HEPH: variants seen among roughly 807,000 people sequenced by gnomAD.
HEPH encodes hephaestin.
In HEPH, 69 loss-of-function variants were observed where a neutral mutation model predicts 80.8. The ratio of observed to expected loss-of-function variants is 0.85; its 90% CI spans 0.70 to 1.04. HEPH has a LOEUF of 1.04. Among genes scored for constraint, HEPH ranks in the 50% least tolerant of loss-of-function variants. HEPH has a pLI of 0.00. For missense variants in HEPH, 1,115 were observed against 891.3 expected, an observed-to-expected ratio of 1.25 and a Z score of -3.20; for synonymous variants, 431 against 322.8, an observed-to-expected ratio of 1.34 and a Z score of -3.60.
intron 9 of HEPH, among the ~76,000 whole-genome samples, chrX:66,196,305 CAT>C (rs1176531141): frequency 9.0e-6 from 1 of 111,102 alleles, no homozygotes. Context: ...TGTATATACA[CAT>C]AGAGTAGATA....
intron 15 of HEPH, among the ~76,000 whole-genome samples, chrX:66,240,969 A>T (rs1222986614): frequency 8.9e-6 from 1 of 112,071 alleles, no homozygotes; most frequent in Non-Finnish European, 1.9e-5. Flanking sequence ...AGGCAGGCAG[A>T]TTGCTTGAGG....
chrX:66,241,010 G>T (rs2090553790), intron 15 of HEPH, among the ~76,000 whole-genome samples: 1 of 111,558 alleles, frequency 9.0e-6, no homozygotes, highest in South Asian at 3.7e-4. Context: ...TGGCCAACTT[G>T]GAGAAACCCC....
Position 66,230,497 on chromosome X carries a change from G to T in HEPH, c.2563+22251G>T, listed in dbSNP as rs200073659. ...CTGGTGTGAGATGGTATCTCATAGT[G>T]GTTTTGATTTGCATTTCTCTGATGG... On this transcript the variant is annotated intron_variant, in intron 15 of 20. Coordinates refer to ENST00000343002, the MANE Select transcript of HEPH (RefSeq NM_001367233.3). Among the ~76,000 whole-genome samples, 86 of 108,278 alleles carry T rather than the reference G, an allele frequency of 7.9e-4. No individual in the cohort carries two copies. In the East Asian group the frequency reaches 0.023, roughly 29 times the overall value. 94.0% of individuals were successfully genotyped at this position (108,278 alleles called of 115,157 possible).
chrX:66,171,799 A>T (rs1169892310), intron 2 of HEPH, among the ~76,000 whole-genome samples: 2 of 106,794 alleles, frequency 1.9e-5, no homozygotes, highest in African/African-American at 3.4e-5. Context: ...GTGTATTTGA[A>T]TTTTTTTTTT....
Position 66,198,859 on chromosome X carries a change from T to C in HEPH, c.1714-19T>C. ...ACTATTGTCATTATTCCCTCTACTT[T>C]CTTCTATTGGGCCTGCAGAAAGGGG... On this transcript the variant is annotated intron_variant, in intron 10 of 20. Coordinates refer to ENST00000343002, the MANE Select transcript of HEPH (RefSeq NM_001367233.3). 8.6e-7 allele frequency: 1 copy of C among 1,156,536 alleles called. No homozygotes were observed. Among genetic ancestry groups the C allele is most frequent in the Non-Finnish European group, 1.2e-6 (1 of 846,893 alleles).
At chrX:66,264,321 G>T (rs1278299618) in intron 20 of HEPH, among the ~76,000 whole-genome samples, 1 of 106,492 alleles carries the variant, frequency 9.4e-6, no homozygotes, top group Non-Finnish European at 1.9e-5. Context: ...CTGCTGGGTT[G>T]GACATGGAAA....
chrX:66,257,344 T>G (rs1204454043), intron 17 of HEPH, among the ~76,000 whole-genome samples: 1 of 111,885 alleles, frequency 8.9e-6, no homozygotes, highest in African/African-American at 3.2e-5. Flanking sequence ...TCTACCTACC[T>G]ATCGATCGAG....
chrX:66,191,402 T>A (rs1355641817), intron 6 of HEPH, among the ~76,000 whole-genome samples: 1 of 112,013 alleles, frequency 8.9e-6, no homozygotes, highest in Non-Finnish European at 1.9e-5. Flanking sequence ...TATTTTTTCC[T>A]CTCCCTTCAT....
At chrX:66,222,081 T>C (rs976970602) in intron 15 of HEPH, among the ~76,000 whole-genome samples, 2 of 113,020 alleles carry the variant, frequency 1.8e-5, no homozygotes, top group African/African-American at 6.4e-5. Flanking sequence ...ACACATCTGC[T>C]CAGGGATGAA....
At position 66,225,755 on chromosome X, in the gene HEPH, G is replaced by T. The variant is rs911573721; in HGVS notation, c.2563+17509G>T. Among the ~76,000 whole-genome samples the T allele has an allele frequency of 1.8e-5, 2 of 113,007 alleles. 1 individual carries two copies. The highest frequency in any genetic ancestry group is 1.9e-4 in the Admixed American group (2 of 10,751). ...GCTGGCCAGAGTCCCCCGCAGGGATGCTCCACAGGGCAGGCCTAAGCCGCC... is the reference window on the plus strand; with the variant it reads ...GCTGGCCAGAGTCCCCCGCAGGGATTCTCCACAGGGCAGGCCTAAGCCGCC... On this transcript the variant is annotated intron_variant, in intron 15 of 20. Transcript: ENST00000343002.
rs762770851 is a variant in HEPH at position 66,192,168 on chromosome X, A to G, written c.1102A>G (p.Met368Val). The G allele has an allele frequency of 4.1e-6, 5 of 1,208,243 alleles. No individual in the cohort carries two copies. Among genetic ancestry groups the G allele is most frequent in the African/African-American group, 1.8e-5 (1 of 56,927 alleles). ...QALYKVKSCS[M>V]APPVDLLTGK... Reference sequence around the variant, plus strand: ...ACTCTACAAGGTCAAGTCTTGCTCCATGGCCCCTCCTGTGGACCTGCTCAC... The same window carrying G: ...ACTCTACAAGGTCAAGTCTTGCTCCGTGGCCCCTCCTGTGGACCTGCTCAC... Residue 368 changes from methionine (M) to valine (V), a missense_variant, in exon 7 of 21, where the codon ATG (methionine) becomes GTG (valine). Around this residue, in one of 3 missense-constraint regions of HEPH, gnomAD observed 391 missense variants for 343.6 expected, o/e 1.14. Transcript: ENST00000343002.
chrX:66,242,064 T>A (rs2090612572), intron 15 of HEPH, among the ~76,000 whole-genome samples: 1 of 101,820 alleles, frequency 9.8e-6, no homozygotes, highest in African/African-American at 3.8e-5. Context: ...GGCAAGACAA[T>A]CCTAAGCAGA....
chrX:66,231,904 G>C (rs1441902882), intron 15 of HEPH, among the ~76,000 whole-genome samples: 1 of 109,696 alleles, frequency 9.1e-6, no homozygotes, highest in African/African-American at 3.4e-5. Context: ...GTATGATATT[G>C]GCTGTGGATT....
chrX:66,199,846 G>T (rs1445455814), intron 11 of HEPH, among the ~76,000 whole-genome samples: 1 of 111,926 alleles, frequency 8.9e-6, no homozygotes, highest in East Asian at 2.8e-4. Context: ...AGGAAATCAT[G>T]TGAAAAGTCA....
intron 15 of HEPH, among the ~76,000 whole-genome samples, chrX:66,232,804 G>T (rs973412474): frequency 2.1e-4 from 23 of 110,787 alleles, no homozygotes; most frequent in Admixed American, 2.9e-4. Context: ...TATTCTATCA[G>T]TAAATCTGAT....
At chrX:66,192,108 A>G (rs762277766) in intron 6 of HEPH, 22 bp from the exon 7 acceptor site, 22 of 1,188,208 alleles carry the variant, frequency 1.9e-5, no homozygotes, top group Non-Finnish European at 2.3e-5. Flanking sequence ...GAATGGGGTC[A>G]GCCATAATGT....
intron 13 of HEPH, among the ~76,000 whole-genome samples, 195 bp from the exon 14 acceptor site, chrX:66,206,998 CAA>C (rs1293913490): frequency 9.4e-6 from 1 of 106,536 alleles, no homozygotes; most frequent in African/African-American, 3.4e-5. Context: ...GCCTGGGCAA[CAA>C]GAGCGAAACT....
At chrX:66,212,153 G>A (rs899016545) in intron 15 of HEPH, among the ~76,000 whole-genome samples, 4 of 103,218 alleles carry the variant, frequency 3.9e-5, no homozygotes, top group Non-Finnish European at 5.9e-5. Context: ...TTTGAGAAAT[G>A]TCTATTCATG....
At chrX:66,174,232 C>G (rs757578946) in intron 4 of HEPH, among the ~76,000 whole-genome samples, 1 of 111,084 alleles carries the variant, frequency 9.0e-6, no homozygotes, top group East Asian at 2.8e-4. Flanking sequence ...CACAGTTTAG[C>G]TTCCACATGT....
Sources: allele counts gnomAD v4.1 joint callset (sites outside exome capture counted in the v4.1 genomes callset), GRCh38; gene constraint gnomAD v4.1.1; regional missense constraint gnomAD v4.1.1; transcripts MANE v1.5; gene names NCBI Gene and HGNC (gene_info 2026-07-23, HGNC 2026-07-21).